Variants in SYT12 observed in about 807,000 individuals in gnomAD.
SYT12 encodes synaptotagmin 12.
Under a neutral mutation model 39.5 loss-of-function variants are expected in SYT12, and 27 were observed. The ratio of observed to expected loss-of-function variants is 0.68; its 90% CI spans 0.50 to 0.94. SYT12 has a LOEUF of 0.94. SYT12 is among the 40% of genes least tolerant of loss of function. The pLI, the probability that SYT12 is intolerant of heterozygous loss-of-function variation, is 0.00. For missense variants in SYT12, 536 were observed against 572.6 expected (o/e 0.94, Z 0.65); for synonymous variants, 233 against 239.7 (o/e 0.97, Z 0.26).
chr11:67,015,710 C>T (rs942477017), intron 3 of SYT12, among the ~76,000 whole-genome samples: 5 of 152,174 alleles, frequency 3.3e-5, no homozygotes. Context: ...GGGTTTGGGA[C>T]ATGTGTGACA....
chr11:67,030,202 C>T (rs1950239508), intron 2 of SYT12, 24 bp downstream of exon 2: 1 of 1,613,908 alleles, frequency 6.2e-7, no homozygotes, highest in Admixed American at 1.7e-5. Flanking sequence ...GCAAACCCCT[C>T]CTGGATCACG....
intron 7 of SYT12, 118 bp from the exon 8 acceptor site, chr11:67,048,466 T>C: frequency 1.9e-6 from 2 of 1,075,812 alleles, no homozygotes; most frequent in South Asian, 3.1e-5. Flanking sequence ...GAGGTGAGGA[T>C]TCAGGGAGCT....
chr11:67,015,027 A>T (rs1357158663), intron 3 of SYT12, among the ~76,000 whole-genome samples: 1 of 152,162 alleles, frequency 6.6e-6, no homozygotes, highest in Non-Finnish European at 1.5e-5. Flanking sequence ...TCTAGTGCCA[A>T]ACTTTCTAGA....
At chr11:67,048,203 G>A (rs1306833180) in intron 7 of SYT12, among the ~76,000 whole-genome samples, 1 of 151,202 alleles carries the variant, frequency 6.6e-6, no homozygotes, top group East Asian at 2.0e-4. Flanking sequence ...CCTGGGAGGC[G>A]GAGGTTGCAG....
At chr11:67,008,312 C>T (rs978402853) in intron 1 of SYT12, among the ~76,000 whole-genome samples, 1 of 152,168 alleles carries the variant, frequency 6.6e-6, no homozygotes, top group African/African-American at 2.4e-5. Context: ...ACTGCTTATT[C>T]ATCAACTCTT....
chr11:67,033,931 A>G (rs985377887), intron 2 of SYT12, among the ~76,000 whole-genome samples: 1 of 152,124 alleles, frequency 6.6e-6, no homozygotes, highest in Non-Finnish European at 1.5e-5. Context: ...GCTCAGAGAG[A>G]GAAGGTTATT....
At chr11:67,037,915 TGTA>T (rs1255585103) in intron 3 of SYT12, among the ~76,000 whole-genome samples, 1 of 132,212 alleles carries the variant, frequency 7.6e-6, no homozygotes, top group Non-Finnish European at 1.6e-5. Context: ...AAAAGCCAGG[TGTA>T]GTAGGTCACA....
intron 3 of SYT12, among the ~76,000 whole-genome samples, chr11:67,014,965 TG>T (rs1950045008): frequency 6.6e-6 from 1 of 152,210 alleles, no homozygotes; most frequent in African/African-American, 2.4e-5. Flanking sequence ...AAAATATTCC[TG>T]CATCACGTAG....
At position 67,039,856 on chromosome 11, in the gene SYT12, C is replaced by G; in HGVS notation, c.274C>G (p.Pro92Ala). Residue 92 changes from proline (P) to alanine (A), a missense_variant, in exon 4 of 8, where the codon CCC (proline) becomes GCC (alanine). Pro to Ala is a conservative substitution (Grantham distance 27). Coordinates refer to ENST00000527043, the MANE Select transcript of SYT12 (RefSeq NM_177963.4). Reference sequence around the variant, plus strand: ...CCAGCGGGCCAGCACGCGGGGACCACCCAGCCGCAAAGGCAGTCTCAGCAT... The same window carrying G: ...CCAGCGGGCCAGCACGCGGGGACCAGCCAGCCGCAAAGGCAGTCTCAGCAT... Reference protein sequence around the residue: ...NAQRASTRGPPSRKGSLSIED... With the variant: ...NAQRASTRGPASRKGSLSIED... The G allele has an allele frequency of 6.2e-7, 1 of 1,613,172 alleles. No individual in the cohort carries two copies. The highest frequency in any genetic ancestry group is 8.5e-7 in the Non-Finnish European group (1 of 1,179,996).
At chr11:67,024,261 A>G (rs1020801737) in intron 1 of SYT12, among the ~76,000 whole-genome samples, 3 of 152,232 alleles carry the variant, frequency 2.0e-5, no homozygotes, top group Admixed American at 2.0e-4. Context: ...AGGGGATGAC[A>G]GTTTTAGAGA....
rs1241111883 is a variant in SYT12 at position 67,044,615 on chromosome 11, T to C, written c.860T>C (p.Ile287Thr). The change falls in exon 6 of 8, where the codon ATC becomes ACC. Residue 287 changes from isoleucine (I) to threonine (T), a missense_variant. Coordinates refer to ENST00000527043, the MANE Select transcript of SYT12 (RefSeq NM_177963.4). ...CAGGCCGCCGATGCTGTGGGGGAGATCCTGCTCTCCCTCAGCTACCTCCCC... is the reference window on the plus strand; with the variant it reads ...CAGGCCGCCGATGCTGTGGGGGAGACCCTGCTCTCCCTCAGCTACCTCCCC... ...QNKAADAVGE[I>T]LLSLSYLPTA... is the part of the protein sequence containing the mutation. The C allele has an allele frequency of 1.2e-6, 2 of 1,613,142 alleles. No individual in the cohort carries two copies. Among genetic ancestry groups the C allele is most frequent in the Non-Finnish European group, 1.7e-6 (2 of 1,179,892 alleles).
chr11:67,010,011 C>G (rs1415039820), exon 2 of SYT12: 1 of 152,238 alleles, frequency 6.6e-6, no homozygotes, highest in Non-Finnish European at 1.5e-5. Flanking sequence ...AGCATGGAGG[C>G]AAGAAAGGGC....
upstream of SYT12, among the ~76,000 whole-genome samples, chr11:67,019,525 G>T (rs546968262): frequency 4.0e-5 from 6 of 151,562 alleles, no homozygotes; most frequent in Non-Finnish European, 8.8e-5. Flanking sequence ...AGAACAGTAC[G>T]GGGGAAACCG....
intron 3 of SYT12, among the ~76,000 whole-genome samples, chr11:67,016,138 G>A (rs904131129): frequency 7.2e-5 from 11 of 152,036 alleles, no homozygotes; most frequent in Non-Finnish European, 1.2e-4. Context: ...AAAATTAGCC[G>A]GGAGTGGTGG....
intron 7 of SYT12, among the ~76,000 whole-genome samples, chr11:67,048,326 C>A (rs535353360): frequency 6.6e-6 from 1 of 151,110 alleles, no homozygotes; most frequent in African/African-American, 2.4e-5. Context: ...TGAAACCTGG[C>A]AGGCAGGTGC....
At chr11:67,046,292 G>T (rs951990306) in intron 7 of SYT12, among the ~76,000 whole-genome samples, 1 of 152,174 alleles carries the variant, frequency 6.6e-6, no homozygotes, top group African/African-American at 2.4e-5. Flanking sequence ...CCCCAGGTTC[G>T]CGTGGTCTTC....
chr11:67,037,132 G>GT (rs1365576321), intron 3 of SYT12, among the ~76,000 whole-genome samples: 2 of 152,130 alleles, frequency 1.3e-5, no homozygotes, highest in African/African-American at 4.8e-5. Context: ...GCAGGCGCCT[G>GT]TAATTCCAGC....
intron 3 of SYT12, among the ~76,000 whole-genome samples, chr11:67,015,044 T>A (rs1160443238): frequency 3.9e-5 from 6 of 152,174 alleles, no homozygotes; most frequent in Non-Finnish European, 7.4e-5. Context: ...TAGATGCAAG[T>A]CCGCTGAGCC....
chr11:67,015,902 AGGG>A (rs1950054611), intron 3 of SYT12, among the ~76,000 whole-genome samples: 2 of 152,082 alleles, frequency 1.3e-5, no homozygotes, highest in Admixed American at 1.3e-4. Context: ...AGCAGGAGGA[AGGG>A]GGTTTGAGAA....
Sources: gnomAD v4.1 joint callset for allele counts (sites outside exome capture counted in the v4.1 genomes callset) on GRCh38, gnomAD v4.1.1 for gene constraint, MANE v1.5 for transcripts, NCBI Gene and HGNC (gene_info 2026-07-23, HGNC 2026-07-21) for gene names.